Variants in CTNNA3 observed in about 807,000 individuals in gnomAD.
CTNNA3 encodes catenin alpha-3.
A neutral mutation model predicts 95.7 loss-of-function variants in CTNNA3; 76 were observed. That is an observed-to-expected ratio of 0.79 (90% confidence interval 0.66 to 0.96). The LOEUF (loss-of-function observed/expected upper bound fraction) is 0.96, where lower values mean the gene tolerates loss of function less well. Among genes scored for constraint, CTNNA3 ranks in the 40% least tolerant of loss-of-function variants. The pLI, the probability that CTNNA3 is intolerant of heterozygous loss-of-function variation, is 0.00. For synonymous variants in CTNNA3, 431 were observed against 374.4 expected, an observed-to-expected ratio of 1.15 and a Z score of -1.74; for missense variants, 1,191 against 1,089.8, an observed-to-expected ratio of 1.09 and a Z score of -1.31.
intron 7 of CTNNA3, among the ~76,000 whole-genome samples, chr10:66,981,082 T>C (rs1354656371): frequency 6.6e-6 from 1 of 152,102 alleles, no homozygotes; most frequent in Non-Finnish European, 1.5e-5. Context: ...ATTTTGTATT[T>C]TTACTAGAGA....
At chr10:66,275,806 T>C (rs1339898342) in intron 13 of CTNNA3, among the ~76,000 whole-genome samples, 1 of 151,786 alleles carries the variant, frequency 6.6e-6, no homozygotes, top group African/African-American at 2.4e-5. Context: ...AAAGAAAAGA[T>C]GTCTACAAGG....
chr10:67,465,621 C>T (rs959637801), intron 5 of CTNNA3, among the ~76,000 whole-genome samples: 4 of 152,174 alleles, frequency 2.6e-5, no homozygotes, highest in Non-Finnish European at 5.9e-5. Context: ...CTTGATAATA[C>T]TGTATGCCCT....
intron 13 of CTNNA3, among the ~76,000 whole-genome samples, chr10:66,124,795 T>A (rs1178370729): frequency 6.6e-6 from 1 of 152,124 alleles, no homozygotes; most frequent in Non-Finnish European, 1.5e-5. Context: ...CTCATGAGAC[T>A]CATTCACTAT....
In CTNNA3 at chr10:66,766,340, G is replaced by A. The variant is rs1352266937; in HGVS notation, c.1205C>T (p.Ala402Val). Residue 402 changes from alanine (A) to valine (V), a missense_variant, in exon 9 of 18, where the codon GCT becomes GTT. Coordinates refer to ENST00000433211, the MANE Select transcript of CTNNA3 (RefSeq NM_013266.4). ...TTVPLLVLIE[A>V]AKNGREKEIK... Reference sequence around the variant, plus strand: ...TTCCTTTTCCCGGCCATTCTTAGCAGCTTCAATGAGAACCAAAAGAGGGAC... The same window carrying A: ...TTCCTTTTCCCGGCCATTCTTAGCAACTTCAATGAGAACCAAAAGAGGGAC... 3 of 1,613,608 alleles carry A rather than the reference G, an allele frequency of 1.9e-6. No individual in the cohort carries two copies. Among genetic ancestry groups the A allele is most frequent in the Non-Finnish European group, 2.5e-6 (3 of 1,179,684 alleles).
intron 9 of CTNNA3, among the ~76,000 whole-genome samples, chr10:66,747,089 A>G (rs1324497794): frequency 6.6e-6 from 1 of 152,248 alleles, no homozygotes; most frequent in Non-Finnish European, 1.5e-5. Context: ...ATTTTATACA[A>G]AGGCATAATA....
intron 7 of CTNNA3, among the ~76,000 whole-genome samples, chr10:67,077,100 C>T (rs1371617088): frequency 1.3e-5 from 2 of 152,174 alleles, no homozygotes; most frequent in Non-Finnish European, 2.9e-5. Flanking sequence ...GACCCTCTAC[C>T]TCAATCACTC....
chr10:67,184,167 A>C (rs1862723241), intron 6 of CTNNA3, among the ~76,000 whole-genome samples: 1 of 152,184 alleles, frequency 6.6e-6, no homozygotes, highest in Non-Finnish European at 1.5e-5. Flanking sequence ...TCTTATAATA[A>C]GTAGTTATCA....
In CTNNA3 at chr10:67,521,851, T is replaced by C; in HGVS notation, c.570A>G (p.Lys190=). ...GAGCTCTGACTCCTACCTGCTGACG[T>C]TTGAAGGCTAAATAATCCAAATTTT... is the stretch of plus-strand genomic sequence containing the variant. ...ELENLDYLAF[K]RQQDLKSPNQ... The change falls in exon 5 of 18, where the codon AAA becomes AAG. Residue 190 remains lysine (K), a synonymous_variant. Coordinates refer to ENST00000433211, the MANE Select transcript of CTNNA3 (RefSeq NM_013266.4). The C allele has an allele frequency of 6.2e-7, 1 of 1,613,552 alleles. No individual in the cohort carries two copies. Among genetic ancestry groups the C allele is most frequent in the South Asian group, 1.1e-5 (1 of 90,996 alleles).
At chr10:67,492,401 A>T (rs1427405262) in intron 5 of CTNNA3, among the ~76,000 whole-genome samples, 1 of 152,240 alleles carries the variant, frequency 6.6e-6, no homozygotes, top group East Asian at 1.9e-4. Context: ...TTAATAAAAA[A>T]TAGTATATAC....
At chr10:66,645,387 T>C (rs1218272204) in intron 9 of CTNNA3, among the ~76,000 whole-genome samples, 1 of 152,184 alleles carries the variant, frequency 6.6e-6, no homozygotes, top group Non-Finnish European at 1.5e-5. Flanking sequence ...TATTTTTGTG[T>C]ACAGTGTGAG....
chr10:67,002,050 C>T lies in CTNNA3; in HGVS notation c.1047+178267G>A, dbSNP rs566737033. On this transcript the variant is annotated intron_variant, in intron 7 of 17. Coordinates refer to ENST00000433211, the MANE Select transcript of CTNNA3 (RefSeq NM_013266.4). Reference sequence around the variant, plus strand: ...GTCACCGTCTGGTTGACTGACCATACTCAAGCTTTATTAACTTTTAGGAGC... The same window carrying T: ...GTCACCGTCTGGTTGACTGACCATATTCAAGCTTTATTAACTTTTAGGAGC... Among the ~76,000 whole-genome samples the T allele has an allele frequency of 2.0e-4, 31 of 152,256 alleles. No homozygotes were observed. The East Asian group carries it at 3.9e-3, about 19-fold the overall frequency.
chr10:66,178,284 CT>C (rs2085825707), intron 13 of CTNNA3, among the ~76,000 whole-genome samples: 1 of 149,416 alleles, frequency 6.7e-6, no homozygotes, highest in Non-Finnish European at 1.5e-5. Context: ...AATTAAAAAC[CT>C]TGAAATGAAA....
At chr10:66,225,226 TCA>T (rs2089212148) in intron 13 of CTNNA3, among the ~76,000 whole-genome samples, 2 of 151,630 alleles carry the variant, frequency 1.3e-5, no homozygotes, top group Non-Finnish European at 2.9e-5. Flanking sequence ...CTTCTAATAA[TCA>T]CAGTTTTCAC....
chr10:67,082,485 A>G (rs1262643301), intron 7 of CTNNA3, among the ~76,000 whole-genome samples: 1 of 152,176 alleles, frequency 6.6e-6, no homozygotes, highest in Non-Finnish European at 1.5e-5. Flanking sequence ...GCAAAGGGCT[A>G]TACTTAAGGC....
chr10:66,979,612 C>T (rs1589536848), intron 7 of CTNNA3, among the ~76,000 whole-genome samples: 1 of 152,138 alleles, frequency 6.6e-6, no homozygotes, highest in Non-Finnish European at 1.5e-5. Flanking sequence ...CCTCAATTGC[C>T]ACATCAGTAA....
At chr10:67,353,164 T>C (rs1478240011) in intron 5 of CTNNA3, among the ~76,000 whole-genome samples, 1 of 152,018 alleles carries the variant, frequency 6.6e-6, no homozygotes. Flanking sequence ...CCACAAAATG[T>C]AGATGATAGG....
At chr10:67,077,851 C>A (rs943990358) in intron 7 of CTNNA3, among the ~76,000 whole-genome samples, 6 of 151,486 alleles carry the variant, frequency 4.0e-5, no homozygotes, top group Non-Finnish European at 8.8e-5. Flanking sequence ...TAATAAGAGA[C>A]AAAATTAATA....
At chr10:67,213,857 C>T (rs10762151) in intron 6 of CTNNA3, among the ~76,000 whole-genome samples, 38,013 of 151,404 alleles carry the variant, frequency 0.25, 6,997 homozygotes, top group African/African-American at 0.53. Flanking sequence ...CATGTGTCCT[C>T]GAAAAGAATG....
At chr10:66,293,276 T>C (rs1317486381) in intron 12 of CTNNA3, among the ~76,000 whole-genome samples, 3 of 152,172 alleles carry the variant, frequency 2.0e-5, no homozygotes, top group Non-Finnish European at 4.4e-5. Context: ...ATGATTTCAA[T>C]ATATTACCTG....
Sources: gnomAD v4.1 joint callset for allele counts (sites outside exome capture counted in the v4.1 genomes callset) on GRCh38, gnomAD v4.1.1 for gene constraint, MANE v1.5 for transcripts, NCBI Gene and HGNC (gene_info 2026-07-23, HGNC 2026-07-21) for gene names.